Variants in VPS41 observed in about 807,000 individuals in gnomAD.
The protein encoded by VPS41 is VPS41 subunit of HOPS complex.
In VPS41, 85 loss-of-function variants were observed where a neutral mutation model predicts 130.9. The ratio of observed to expected loss-of-function variants is 0.65; its 90% CI spans 0.55 to 0.78. The LOEUF is 0.78. Among genes scored for constraint, VPS41 ranks in the 30% least tolerant of loss-of-function variants. The probability of loss-of-function intolerance (pLI) is 0.00; values close to 1 mark genes in which losing one functional copy is unlikely to be tolerated. For missense variants in VPS41, 874 were observed against 1,018.7 expected, an observed-to-expected ratio of 0.86 and a Z score of 1.93; for synonymous variants, 335 against 332.9, an observed-to-expected ratio of 1.01 and a Z score of -0.07.
At chr7:38,789,707 AGGCAAAAGACTAT>A in intron 10 of VPS41, 81 bp downstream of exon 10, 1 of 1,261,478 alleles carries the variant, frequency 7.9e-7, no homozygotes, top group Non-Finnish European at 1.2e-6. Context: ...GCAGGGATCC[AGGCAAAAGACTAT>A]GGCAGTCTGG....
chr7:38,865,750 T>C (rs1438948428), intron 3 of VPS41, among the ~76,000 whole-genome samples: 1 of 152,172 alleles, frequency 6.6e-6, no homozygotes, highest in Non-Finnish European at 1.5e-5. Context: ...CAAGAAATTA[T>C]GGATGACACA....
intron 5 of VPS41, among the ~76,000 whole-genome samples, chr7:38,829,279 T>C (rs769398641): frequency 2.0e-5 from 3 of 152,218 alleles, no homozygotes; most frequent in Non-Finnish European, 4.4e-5. Flanking sequence ...TGCATTCTTG[T>C]ATGTCAAGAG....
rs1039567915 is a variant in VPS41 at position 38,725,834 on chromosome 7, G to A, written c.*412C>T. 3.2e-5 allele frequency: 5 copies of A among 157,846 alleles called. No individual in the cohort carries two copies. Among genetic ancestry groups the A allele is most frequent in the South Asian group, 2.0e-4 (1 of 5,118 alleles). The allele number at this position is 157,846 out of a possible 1,614,324, so 9.8% of individuals were successfully genotyped here. Reference sequence around the variant, plus strand: ...AGCCAGCAGAGCACGTGGAAACAACGTCCAAGTTGCAGGTAGCAGCTTGCA... The same window carrying A: ...AGCCAGCAGAGCACGTGGAAACAACATCCAAGTTGCAGGTAGCAGCTTGCA... On this transcript the variant is annotated 3_prime_UTR_variant, in exon 29 of 29. Coordinates refer to ENST00000310301, the MANE Select transcript of VPS41 (RefSeq NM_014396.4).
At chr7:38,748,324 T>C (rs1796027531) in intron 22 of VPS41, among the ~76,000 whole-genome samples, 1 of 152,172 alleles carries the variant, frequency 6.6e-6, no homozygotes, top group South Asian at 2.1e-4. Context: ...ATTTTAATTC[T>C]CCTCTTTCTG....
intron 14 of VPS41, among the ~76,000 whole-genome samples, chr7:38,767,936 G>A (rs1409080820): frequency 6.6e-6 from 1 of 152,066 alleles, no homozygotes; most frequent in Admixed American, 6.5e-5. Flanking sequence ...ATTCCACACT[G>A]TTAATGTATA....
At chr7:38,810,816 T>C (rs1452981063) in intron 7 of VPS41, among the ~76,000 whole-genome samples, 1 of 152,202 alleles carries the variant, frequency 6.6e-6, no homozygotes, top group Non-Finnish European at 1.5e-5. Context: ...CTGCCACCTG[T>C]TCTCAACAGA....
At chr7:38,904,158 A>T (rs571145871) in intron 1 of VPS41, among the ~76,000 whole-genome samples, 2 of 152,348 alleles carry the variant, frequency 1.3e-5, no homozygotes, top group African/African-American at 4.8e-5. Flanking sequence ...CAAAGGCAAC[A>T]GGGGACTGCA....
At chr7:38,903,524 A>G (rs1239265447) in intron 1 of VPS41, among the ~76,000 whole-genome samples, 1 of 152,186 alleles carries the variant, frequency 6.6e-6, no homozygotes, top group Non-Finnish European at 1.5e-5. Flanking sequence ...AGGAAAAAAA[A>G]GAGCAGAGAC....
chr7:38,728,316 A>C, intron 27 of VPS41: 1 of 688,114 alleles, frequency 1.5e-6, no homozygotes. Flanking sequence ...GGTTCCAATA[A>C]GCCTGCCAGG....
At chr7:38,731,131 ATTTTAAGTTTC>A (rs552419100) in intron 25 of VPS41, among the ~76,000 whole-genome samples, 216 of 152,320 alleles carry the variant, frequency 1.4e-3, no homozygotes, top group Admixed American at 2.5e-3. Flanking sequence ...ACAGGAAAAC[ATTTTAAGTTTC>A]ATTTATATGA....
intron 7 of VPS41, among the ~76,000 whole-genome samples, chr7:38,807,118 A>T (rs903636835): frequency 6.6e-6 from 1 of 152,224 alleles, no homozygotes; most frequent in Non-Finnish European, 1.5e-5. Flanking sequence ...AAGATTTATC[A>T]AAATGCCCAG....
chr7:38,784,347 G>A (rs1275801952), intron 10 of VPS41, among the ~76,000 whole-genome samples: 2 of 152,138 alleles, frequency 1.3e-5, no homozygotes, highest in Non-Finnish European at 1.5e-5. Flanking sequence ...TCTAGAAAAT[G>A]TAAGTCAGGG....
intron 4 of VPS41, among the ~76,000 whole-genome samples, chr7:38,854,822 A>G (rs1785943376): frequency 6.7e-6 from 1 of 148,224 alleles, no homozygotes; most frequent in African/African-American, 2.5e-5. Flanking sequence ...TATAATTGTG[A>G]CAAAAGTACC....
intron 17 of VPS41, among the ~76,000 whole-genome samples, chr7:38,762,361 C>T (rs1783939690): frequency 6.6e-6 from 1 of 152,150 alleles, no homozygotes; most frequent in Admixed American, 6.5e-5. Context: ...AAATGAAATG[C>T]CACAGAAATC....
intron 21 of VPS41, among the ~76,000 whole-genome samples, 171 bp downstream of exon 21, chr7:38,754,531 C>T (rs1783749782): frequency 6.6e-6 from 1 of 152,184 alleles, no homozygotes; most frequent in African/African-American, 2.4e-5. Flanking sequence ...CTTGAATTCA[C>T]AGCATATGCT....
At chr7:38,825,568 G>A (rs1210288556) in intron 5 of VPS41, among the ~76,000 whole-genome samples, 6 of 152,124 alleles carry the variant, frequency 3.9e-5, no homozygotes, top group Middle Eastern at 3.4e-3. Context: ...ATAATTAAAG[G>A]TTACGAGAGA....
intron 4 of VPS41, among the ~76,000 whole-genome samples, chr7:38,856,495 T>A (rs1785988624): frequency 1.3e-5 from 2 of 152,086 alleles, no homozygotes; most frequent in Admixed American, 1.3e-4. Context: ...GAGAACCAGC[T>A]CCCAGAGGCC....
chr7:38,903,524 A>C (rs1239265447), intron 1 of VPS41, among the ~76,000 whole-genome samples: 1 of 152,186 alleles, frequency 6.6e-6, no homozygotes, highest in Non-Finnish European at 1.5e-5. Context: ...AGGAAAAAAA[A>C]GAGCAGAGAC....
intron 3 of VPS41, among the ~76,000 whole-genome samples, chr7:38,865,367 T>C (rs1786206970): frequency 6.6e-6 from 1 of 152,156 alleles, no homozygotes; most frequent in Non-Finnish European, 1.5e-5. Flanking sequence ...TTAATGAAGT[T>C]TGACCTCTAG....
Sources: gnomAD v4.1 joint callset for allele counts (sites outside exome capture counted in the v4.1 genomes callset) on GRCh38, gnomAD v4.1.1 for gene constraint, MANE v1.5 for transcripts, NCBI Gene and HGNC (gene_info 2026-07-23, HGNC 2026-07-21) for gene names.